The following PCCA variants were observed in gnomAD, a reference collection of about 807,000 sequenced individuals.
PCCA encodes propionyl-CoA carboxylase subunit alpha.
A neutral mutation model predicts 101.3 loss-of-function variants in PCCA; 74 were observed. The observed-to-expected ratio is 0.73, with a 90% CI of 0.61 to 0.89. The LOEUF is 0.89. Among genes scored for constraint, PCCA ranks in the 40% least tolerant of loss-of-function variants. The probability of loss-of-function intolerance (pLI) is 0.00; values close to 1 mark genes in which losing one functional copy is unlikely to be tolerated. For synonymous variants in PCCA, 294 were observed against 313.6 expected (o/e 0.94, Z 0.66); for missense variants, 891 against 907.0 (o/e 0.98, Z 0.23).
intron 19 of PCCA, among the ~76,000 whole-genome samples, chr13:100,425,044 G>T (rs540440888): frequency 1.3e-5 from 2 of 152,014 alleles, no homozygotes; most frequent in Non-Finnish European, 2.9e-5. Flanking sequence ...TGTTTTGAAA[G>T]ATTATGGGTC....
chr13:100,110,804 T>A (rs1474717315), intron 2 of PCCA, among the ~76,000 whole-genome samples: 2 of 152,012 alleles, frequency 1.3e-5, no homozygotes, highest in African/African-American at 4.8e-5. Context: ...GTTTTTTTTG[T>A]TTATTTATTT....
chr13:100,351,587 T>C (rs2073271683), intron 18 of PCCA, among the ~76,000 whole-genome samples: 1 of 152,162 alleles, frequency 6.6e-6, no homozygotes, highest in African/African-American at 2.4e-5. Flanking sequence ...GATTTATGCA[T>C]GTGGAGATGG....
intron 21 of PCCA, among the ~76,000 whole-genome samples, chr13:100,457,088 G>A (rs896402752): frequency 6.6e-5 from 10 of 152,134 alleles, no homozygotes; most frequent in African/African-American, 2.4e-4. Context: ...TTCAGCACCT[G>A]ACCCTATGCC....
chr13:100,177,435 A>G (rs925878712), intron 6 of PCCA, among the ~76,000 whole-genome samples: 6 of 152,210 alleles, frequency 3.9e-5, no homozygotes, highest in Admixed American at 2.0e-4. Context: ...GACTTGGTCT[A>G]TTAGACTAAG....
intron 20 of PCCA, among the ~76,000 whole-genome samples, chr13:100,431,779 T>C (rs1251286485): frequency 6.6e-6 from 1 of 152,010 alleles, no homozygotes; most frequent in East Asian, 1.9e-4. Context: ...GGCAGGAGAA[T>C]GGTGTGAACC....
chr13:100,098,426 C>T (rs985700615), intron 1 of PCCA, among the ~76,000 whole-genome samples: 1 of 152,132 alleles, frequency 6.6e-6, no homozygotes, highest in Non-Finnish European at 1.5e-5. Flanking sequence ...CTCTAGGGCA[C>T]AGATTGTGCT....
At chr13:100,200,405 T>C (rs1049946839) in intron 6 of PCCA, among the ~76,000 whole-genome samples, 1 of 152,118 alleles carries the variant, frequency 6.6e-6, no homozygotes, top group Non-Finnish European at 1.5e-5. Context: ...TGCCTGGCCT[T>C]CTGTTCAACT....
intron 22 of PCCA, among the ~76,000 whole-genome samples, chr13:100,520,336 TTTATTTTTAAATGTTAAGAG>T (rs1349913974): frequency 1.3e-5 from 2 of 152,236 alleles, no homozygotes; most frequent in Admixed American, 6.5e-5. Flanking sequence ...CCAGATAACA[TTTATTTTTAAATGTTAAGAG>T]TTGGTTTTTG....
intron 20 of PCCA, among the ~76,000 whole-genome samples, chr13:100,437,274 A>G (rs1314701160): frequency 6.6e-6 from 1 of 152,174 alleles, no homozygotes; most frequent in Non-Finnish European, 1.5e-5. Context: ...CAAGAAAATC[A>G]TACTCTCGGA....
chr13:100,210,340 T>C (rs1044207639), intron 7 of PCCA, among the ~76,000 whole-genome samples: 1 of 152,224 alleles, frequency 6.6e-6, no homozygotes, highest in Non-Finnish European at 1.5e-5. Flanking sequence ...GCATTGTATT[T>C]AATGAATCAG....
At chr13:100,412,496 A>G (rs2152872596) in intron 19 of PCCA, among the ~76,000 whole-genome samples, 1 of 152,322 alleles carries the variant, frequency 6.6e-6, no homozygotes, top group Non-Finnish European at 1.5e-5. Context: ...TTAGAACAAT[A>G]GAGGCTAACT....
chr13:100,270,100 A>G (rs2063207946), intron 11 of PCCA, among the ~76,000 whole-genome samples: 1 of 152,206 alleles, frequency 6.6e-6, no homozygotes, highest in Non-Finnish European at 1.5e-5. Flanking sequence ...TAGCTTACAT[A>G]AGATGTGGCC....
At chr13:100,343,792 T>C (rs35058674) in intron 18 of PCCA, among the ~76,000 whole-genome samples, 12,405 of 152,314 alleles carry the variant, frequency 0.081, 680 homozygotes, top group Middle Eastern at 0.21. Context: ...ATAGATGTTA[T>C]TGGCCAGGTG....
intron 9 of PCCA, among the ~76,000 whole-genome samples, chr13:100,259,907 A>T (rs2062365951): frequency 6.6e-6 from 1 of 152,156 alleles, no homozygotes. Flanking sequence ...GTATAATTGA[A>T]TGTCACCAGT....
intron 4 of PCCA, among the ~76,000 whole-genome samples, chr13:100,123,761 T>C (rs959124682): frequency 3.9e-5 from 6 of 152,178 alleles, no homozygotes; most frequent in Non-Finnish European, 7.4e-5. Context: ...GACATAGGTC[T>C]ATGGAATACA....
At chr13:100,376,523 G>T (rs2075912008) in intron 19 of PCCA, among the ~76,000 whole-genome samples, 1 of 152,222 alleles carries the variant, frequency 6.6e-6, no homozygotes, top group African/African-American at 2.4e-5. Context: ...TGGGGCTGCT[G>T]CCTTTCTTTC....
intron 6 of PCCA, among the ~76,000 whole-genome samples, chr13:100,176,602 A>C (rs1253993154): frequency 6.6e-6 from 1 of 152,232 alleles, no homozygotes; most frequent in East Asian, 1.9e-4. Flanking sequence ...GGTTAGAATC[A>C]AAAGTGAGTG....
chr13:100,252,570 C>A (rs906712282), intron 8 of PCCA, among the ~76,000 whole-genome samples: 2 of 152,132 alleles, frequency 1.3e-5, no homozygotes, highest in African/African-American at 4.8e-5. Context: ...TTTTAAGTTA[C>A]CAGGTTGTGC....
chr13:100,339,992 T>C (rs1473670581), intron 17 of PCCA, among the ~76,000 whole-genome samples, 165 bp from the exon 18 acceptor site: 2 of 152,212 alleles, frequency 1.3e-5, no homozygotes, highest in Non-Finnish European at 2.9e-5. Flanking sequence ...ATTTGAATGG[T>C]CTTGCTTCCT....
Sources: allele counts gnomAD v4.1 joint callset (sites outside exome capture counted in the v4.1 genomes callset), GRCh38; gene constraint gnomAD v4.1.1; transcripts MANE v1.5; gene names NCBI Gene and HGNC (gene_info 2026-07-23, HGNC 2026-07-21).